Variants in TEX101 observed in about 807,000 individuals in gnomAD.
TEX101 encodes testis-expressed protein 101.
A neutral mutation model predicts 18.1 loss-of-function variants in TEX101; 10 were observed. That is an observed-to-expected ratio of 0.55 (90% CI 0.34 to 0.94). TEX101 has a LOEUF of 0.94. Ranked by LOEUF, TEX101 falls within the 40% of genes least tolerant of loss-of-function variation. The probability of loss-of-function intolerance (pLI) is 0.02; values close to 1 mark genes in which losing one functional copy is unlikely to be tolerated. For missense variants in TEX101, 259 were observed against 298.9 expected, an observed-to-expected ratio of 0.87 and a Z score of 0.98; for synonymous variants, 94 against 114.8, an observed-to-expected ratio of 0.82 and a Z score of 1.16.
chr19:43,389,315 G>A, the TEX101 span, among the ~76,000 whole-genome samples: 1 of 152,348 alleles, frequency 6.6e-6, no homozygotes, highest in African/African-American at 2.4e-5. Flanking sequence ...CCCATCAGGT[G>A]CTCCCGTGAA....
At chr19:43,399,524 T>G (rs562749260), upstream of TEX101, among the ~76,000 whole-genome samples, 62 of 152,276 alleles carry the variant, frequency 4.1e-4, no homozygotes, top group African/African-American at 1.5e-3. Context: ...TTTTCTCTAA[T>G]GAAGAAAACT....
At chr19:43,394,136 C>T in the TEX101 span, among the ~76,000 whole-genome samples, 1 of 151,492 alleles carries the variant, frequency 6.6e-6, no homozygotes, top group East Asian at 2.0e-4. Flanking sequence ...TTCCATATTC[C>T]TTGCTGAACA....
the TEX101 span, among the ~76,000 whole-genome samples, chr19:43,392,175 CAG>C: frequency 2.0e-5 from 3 of 151,544 alleles, no homozygotes; most frequent in African/African-American, 4.9e-5. Context: ...CAGAGAGAGA[CAG>C]AGAGCAAAGG....
At chr19:43,408,305 G>A (rs188643459) in intron 3 of TEX101, among the ~76,000 whole-genome samples, 5 of 139,818 alleles carry the variant, frequency 3.6e-5, no homozygotes, top group Non-Finnish European at 7.7e-5. Context: ...TCGACCAGGG[G>A]CTAGATCGGG....
At chr19:43,404,529 C>T (rs964428802) in intron 2 of TEX101, among the ~76,000 whole-genome samples, 2 of 152,002 alleles carry the variant, frequency 1.3e-5, no homozygotes, top group Admixed American at 1.3e-4. Context: ...AGTTTTCAAG[C>T]CCATAGAAAA....
the TEX101 span, among the ~76,000 whole-genome samples, chr19:43,392,495 C>G: frequency 1.3e-5 from 2 of 152,042 alleles, no homozygotes; most frequent in African/African-American, 4.8e-5. Flanking sequence ...TTACCTCACC[C>G]TCATCCTTGT....
chr19:43,406,103 C>CAAAAAAAAAAAAA (rs1970360450), intron 2 of TEX101: 1 of 80,212 alleles, frequency 1.2e-5, no homozygotes, highest in Non-Finnish European at 2.2e-5. Flanking sequence ...AAAAAAAAAG[C>CAAAAAAAAAAAAA]CAGATGCCTG....
At position 43,418,198 on chromosome 19, in the gene TEX101, G is replaced by T; in HGVS notation, c.551G>T (p.Gly184Val). 1 of 1,614,148 alleles carries T rather than the reference G, an allele frequency of 6.2e-7. No individual in the cohort carries two copies. Among genetic ancestry groups the T allele is most frequent in the Middle Eastern group, 1.7e-4 (1 of 6,060 alleles). ...ATTGAGTCGTCTGTGGAGGTCAAAG[G>T]CTGTACAGCCATGATTGGCTGCAGG... ...GGIESSVEVKGCTAMIGCRLM... is the reference protein window; with the variant it reads ...GGIESSVEVKVCTAMIGCRLM... Residue 184 changes from glycine to valine, a missense_variant, in exon 6 of 6, where the codon GGC becomes GTC. Coordinates refer to ENST00000598265, the MANE Select transcript of TEX101 (RefSeq NM_001130011.3).
upstream of TEX101, among the ~76,000 whole-genome samples, chr19:43,398,112 A>T (rs1261411144): frequency 0.012 from 92 of 7,866 alleles, 6 homozygotes; most frequent in African/African-American, 0.038. Flanking sequence ...TATAATATAT[A>T]AAAATATATA....
At chr19:43,398,587 A>G (rs1050677562), upstream of TEX101, among the ~76,000 whole-genome samples, 14 of 152,278 alleles carry the variant, frequency 9.2e-5, no homozygotes, top group African/African-American at 3.4e-4. Context: ...CGGGGATACA[A>G]TCAAGACTAA....
the TEX101 span, among the ~76,000 whole-genome samples, chr19:43,396,152 G>A: frequency 1.8e-4 from 27 of 152,268 alleles, no homozygotes. Context: ...AGCCTCACAG[G>A]CTTCCATCAG....
At chr19:43,398,161 A>G (rs1432034393), upstream of TEX101, among the ~76,000 whole-genome samples, 3 of 80,254 alleles carry the variant, frequency 3.7e-5, no homozygotes, top group African/African-American at 5.1e-5. Context: ...TATATATTAT[A>G]TATAAATATA....
At chr19:43,412,470 G>A (rs952854837), upstream of TEX101, among the ~76,000 whole-genome samples, 6 of 152,114 alleles carry the variant, frequency 3.9e-5, no homozygotes, top group African/African-American at 7.2e-5. Flanking sequence ...ACTATGTCAC[G>A]GAGCAAGAGG....
At chr19:43,406,625 G>A (rs1970366304) in intron 3 of TEX101, 1 of 590,864 alleles carries the variant, frequency 1.7e-6, no homozygotes, top group Non-Finnish European at 3.1e-6. Flanking sequence ...CTGGCTTCTG[G>A]CGCCAAGCCT....
At chr19:43,402,847 G>C (rs1315002615) in exon 2 of TEX101, 1 of 152,214 alleles carries the variant, frequency 6.6e-6, no homozygotes, top group Non-Finnish European at 1.5e-5. Context: ...CTCCCAAAGT[G>C]CTGGGATTAC....
At chr19:43,392,060 A>G in the TEX101 span, among the ~76,000 whole-genome samples, 12 of 152,190 alleles carry the variant, frequency 7.9e-5, no homozygotes, top group South Asian at 2.1e-4. Context: ...AGAGAGACTG[A>G]GAAACACACA....
Position 43,416,018 on chromosome 19 carries a change from C to T in TEX101, c.64+35C>T, listed in dbSNP as rs747785490. Reference sequence around the variant, plus strand: ...GGGGACATAGGGGAGAGCCGTGTGTCACAGAAGGTGGACTGATGATGAAAA... The same window carrying T: ...GGGGACATAGGGGAGAGCCGTGTGTTACAGAAGGTGGACTGATGATGAAAA... On this transcript the variant is annotated intron_variant, in intron 2 of 5. Coordinates refer to ENST00000598265, the MANE Select transcript of TEX101 (RefSeq NM_001130011.3). The T allele has an allele frequency of 3.7e-6, 6 of 1,612,680 alleles. No individual in the cohort carries two copies. In the South Asian group the frequency reaches 6.6e-5, roughly 18 times the overall value.
chr19:43,406,591 C>T (rs1970365845), intron 3 of TEX101: 2 of 613,682 alleles, frequency 3.3e-6, no homozygotes, highest in African/African-American at 1.9e-5. Flanking sequence ...GTGGGGGAGT[C>T]GGGCGCGAGT....
In TEX101 at chr19:43,416,159, A is replaced by G. The variant is rs1431793567; in HGVS notation, c.125A>G (p.Asn42Ser). 5.6e-6 allele frequency: 9 copies of G among 1,614,074 alleles called. No individual in the cohort carries two copies. The highest frequency in any genetic ancestry group is 1.1e-5 in the South Asian group (1 of 91,072). Residue 42 changes from asparagine to serine, a missense_variant, in exon 3 of 6, where the codon AAT becomes AGT. Coordinates refer to ENST00000598265, the MANE Select transcript of TEX101 (RefSeq NM_001130011.3). ...ATGACTGTGGAAGCAGATCCAGCCA[A>G]TATGTTTAACTGGACCACAGAGGAA... ...LSMTVEADPA[N>S]MFNWTTEEVE...
Sources: allele counts gnomAD v4.1 joint callset (sites outside exome capture counted in the v4.1 genomes callset), GRCh38; gene constraint gnomAD v4.1.1; transcripts MANE v1.5; gene names NCBI Gene and HGNC (gene_info 2026-07-23, HGNC 2026-07-21).